PLXNC1: variants seen among roughly 807,000 people sequenced by gnomAD.
The protein encoded by PLXNC1 is plexin C1.
A neutral mutation model predicts 178.2 loss-of-function variants in PLXNC1; 75 were observed. That is an observed-to-expected ratio of 0.42 (90% CI 0.35 to 0.51). The LOEUF (loss-of-function observed/expected upper bound fraction) is 0.51, where lower values mean the gene tolerates loss of function less well. Ranked by LOEUF, PLXNC1 falls within the 20% of genes least tolerant of loss-of-function variation. PLXNC1 has a pLI of 0.02. For synonymous variants in PLXNC1, 790 were observed against 779.9 expected (o/e 1.01, Z -0.22); for missense variants, 1,503 against 1,984.4 (o/e 0.76, Z 4.61).
At chr12:94,279,924 C>A in intron 22 of PLXNC1, 2 of 574,996 alleles carry the variant, frequency 3.5e-6, no homozygotes, top group Non-Finnish European at 6.5e-6. Context: ...GATGAGATTG[C>A]AGGCCCTGAG....
At chr12:94,248,204 C>G (rs1592808517) in intron 13 of PLXNC1, 23 bp from the exon 14 acceptor site, 1 of 1,601,340 alleles carries the variant, frequency 6.2e-7, no homozygotes, top group Non-Finnish European at 8.5e-7. Context: ...CTGATTTCTC[C>G]ATCTTCATTT....
intron 11 of PLXNC1, among the ~76,000 whole-genome samples, chr12:94,243,619 G>A (rs916827007): frequency 6.6e-6 from 1 of 152,130 alleles, no homozygotes; most frequent in African/African-American, 2.4e-5. Flanking sequence ...TCAAGGTACA[G>A]CTCCTGATCT....
intron 11 of PLXNC1, among the ~76,000 whole-genome samples, chr12:94,241,756 C>G (rs1386984350): frequency 6.6e-6 from 1 of 152,114 alleles, no homozygotes; most frequent in Non-Finnish European, 1.5e-5. Flanking sequence ...TCTTTATCCT[C>G]TAATCTGTTG....
chr12:94,244,560 G>A (rs1274826265), intron 12 of PLXNC1, among the ~76,000 whole-genome samples: 2 of 152,180 alleles, frequency 1.3e-5, no homozygotes, highest in African/African-American at 4.8e-5. Flanking sequence ...ATGGTAGGAG[G>A]GGTCTGGTTT....
intron 16 of PLXNC1, 148 bp from the exon 17 acceptor site, chr12:94,255,045 C>T (rs1023157134): frequency 5.2e-5 from 46 of 891,030 alleles, no homozygotes; most frequent in Non-Finnish European, 6.3e-5. Context: ...TGTTTTATTT[C>T]AGCTCTTCTC....
intron 15 of PLXNC1, among the ~76,000 whole-genome samples, chr12:94,253,214 A>AG (rs1456052694): frequency 7.7e-6 from 1 of 130,370 alleles, no homozygotes; most frequent in Non-Finnish European, 1.5e-5. Flanking sequence ...CGTCTCAGAA[A>AG]AAAAAAAAAA....
chr12:94,205,609 A>C (rs908655940), intron 4 of PLXNC1, among the ~76,000 whole-genome samples: 1 of 152,230 alleles, frequency 6.6e-6, no homozygotes, highest in African/African-American at 2.4e-5. Flanking sequence ...GGGCCGCCTG[A>C]AATTTTAACC....
chr12:94,200,889 C>T (rs1489577339), intron 4 of PLXNC1, among the ~76,000 whole-genome samples: 1 of 152,202 alleles, frequency 6.6e-6, no homozygotes, highest in African/African-American at 2.4e-5. Flanking sequence ...AGTTTCAAGA[C>T]AAAGGCTGTT....
intron 9 of PLXNC1, among the ~76,000 whole-genome samples, chr12:94,229,845 T>C (rs922149577): frequency 8.5e-5 from 13 of 152,372 alleles, no homozygotes; most frequent in Middle Eastern, 6.8e-3. Flanking sequence ...TCTTCAACTT[T>C]GTTCTTCTTT....
At chr12:94,156,259 A>G (rs904550984) in intron 1 of PLXNC1, among the ~76,000 whole-genome samples, 99 of 152,206 alleles carry the variant, frequency 6.5e-4, no homozygotes, top group African/African-American at 2.2e-3. Context: ...GGGCTCCTTG[A>G]TATGCAGTTG....
chr12:94,154,343 G>T (rs188454555), intron 1 of PLXNC1, among the ~76,000 whole-genome samples: 61 of 152,254 alleles, frequency 4.0e-4, no homozygotes, highest in Admixed American at 1.2e-3. Context: ...CACCTTACAA[G>T]TCTATATTAA....
At chr12:94,228,997 C>T (rs945591121) in intron 9 of PLXNC1, among the ~76,000 whole-genome samples, 1 of 152,134 alleles carries the variant, frequency 6.6e-6, no homozygotes, top group East Asian at 1.9e-4. Flanking sequence ...TCCATAGCAA[C>T]GATACCATTT....
intron 3 of PLXNC1, among the ~76,000 whole-genome samples, chr12:94,185,670 T>C (rs1962481874): frequency 6.6e-6 from 1 of 152,198 alleles, no homozygotes; most frequent in South Asian, 2.1e-4. Context: ...TGGAGGGGTG[T>C]GAGCAAAACA....
In PLXNC1 at chr12:94,181,450, T is replaced by C; in HGVS notation, c.1208T>C (p.Ile403Thr). The C allele has an allele frequency of 6.5e-7, 1 of 1,545,228 alleles. No individual in the cohort carries two copies. The highest frequency in any genetic ancestry group is 1.2e-5 in the South Asian group (1 of 84,316). The change falls in exon 3 of 31, where the codon ATT becomes ACT. Residue 403 changes from isoleucine (I) to threonine (T), a missense_variant. Coordinates refer to ENST00000258526, the MANE Select transcript of PLXNC1 (RefSeq NM_005761.3). ...GTGDGQLLKV[I>T]LGENLTSNCP... The stretch of plus-strand genomic sequence containing the variant: ...CTTTTTGAAAAAAAAAAATAGGTTA[T>C]TCTTGGTGAGAATTTGACTTCAAAT...
chr12:94,185,810 C>T (rs1373068747), intron 3 of PLXNC1: 1 of 153,152 alleles, frequency 6.5e-6, no homozygotes, highest in Non-Finnish European at 1.5e-5. Context: ...TTGTTATTCC[C>T]TAATACTCAT....
chr12:94,226,529 A>C, intron 7 of PLXNC1, 76 bp from the exon 8 acceptor site: 4 of 922,750 alleles, frequency 4.3e-6, no homozygotes, highest in East Asian at 2.6e-5. Flanking sequence ...CTTGCATGCC[A>C]CATCACAGAG....
In PLXNC1 at chr12:94,227,152, C is replaced by G; in HGVS notation, c.1897C>G (p.Gln633Glu). Reference protein sequence around the residue: ...DPSDYERNQEQCPVAVEKTSG... With the variant: ...DPSDYERNQEECPVAVEKTSG... Reference sequence around the variant, plus strand: ...GAAGGGATGTTCTCCATTCCAGGAACAGTGTCCAGTGGCTGTCGAGAAGAC... The same window carrying G: ...GAAGGGATGTTCTCCATTCCAGGAAGAGTGTCCAGTGGCTGTCGAGAAGAC... The change falls in exon 9 of 31, where the codon CAG (glutamine) becomes GAG (glutamate). Residue 633 changes from glutamine to glutamate, a missense_variant. This residue lies in a region of PLXNC1 where 615 missense variants were observed against 698.6 expected (regional missense o/e 0.88). Coordinates refer to ENST00000258526, the MANE Select transcript of PLXNC1 (RefSeq NM_005761.3). 1 of 1,604,476 alleles carries G rather than the reference C, an allele frequency of 6.2e-7. No individual in the cohort carries two copies. Among genetic ancestry groups the G allele is most frequent in the Non-Finnish European group, 8.5e-7 (1 of 1,171,196 alleles).
At chr12:94,252,389 C>G (rs1964720969) in intron 15 of PLXNC1, among the ~76,000 whole-genome samples, 1 of 152,102 alleles carries the variant, frequency 6.6e-6, no homozygotes, top group Non-Finnish European at 1.5e-5. Flanking sequence ...TATGATCGTG[C>G]CACTGCATGC....
chr12:94,288,448 T>C (rs1157099080), intron 23 of PLXNC1, among the ~76,000 whole-genome samples: 3 of 152,194 alleles, frequency 2.0e-5, no homozygotes, highest in African/African-American at 7.2e-5. Flanking sequence ...CTCAGGGCTA[T>C]CACTAATAGG....
Sources: gnomAD v4.1 joint callset for allele counts (sites outside exome capture counted in the v4.1 genomes callset) on GRCh38, gnomAD v4.1.1 for gene constraint, gnomAD v4.1.1 regional missense constraint, MANE v1.5 for transcripts, NCBI Gene and HGNC (gene_info 2026-07-23, HGNC 2026-07-21) for gene names.